Variants in EPHA6 observed in about 807,000 individuals in gnomAD.
The protein encoded by EPHA6 is ephrin type-A receptor 6.
A neutral mutation model predicts 112.0 loss-of-function variants in EPHA6; 50 were observed. That is an observed-to-expected ratio of 0.45 (90% CI 0.36 to 0.56). The LOEUF (loss-of-function observed/expected upper bound fraction) is 0.56. EPHA6 is among the 20% of genes least tolerant of loss of function. EPHA6 has a pLI of 0.00. For synonymous variants in EPHA6, 529 were observed against 490.7 expected, an observed-to-expected ratio of 1.08 and a Z score of -1.03; for missense variants, 1,280 against 1,417.4, an observed-to-expected ratio of 0.90 and a Z score of 1.56.
At chr3:97,181,454 C>A (rs776721985) in intron 3 of EPHA6, among the ~76,000 whole-genome samples, 3 of 152,006 alleles carry the variant, frequency 2.0e-5, no homozygotes, top group Admixed American at 6.6e-5. Context: ...TCTCTGCCCT[C>A]CTCCCTTTCC....
At chr3:96,976,755 T>G (rs942210357) in intron 2 of EPHA6, among the ~76,000 whole-genome samples, 2 of 152,160 alleles carry the variant, frequency 1.3e-5, no homozygotes, top group Non-Finnish European at 2.9e-5. Context: ...TAAGAAGATA[T>G]GCCACTTAGA....
At chr3:97,039,719 G>GACTCTCA (rs2045248150) in intron 3 of EPHA6, among the ~76,000 whole-genome samples, 1 of 151,988 alleles carries the variant, frequency 6.6e-6, no homozygotes, top group Non-Finnish European at 1.5e-5. Flanking sequence ...GTATTCGGCA[G>GACTCTCA]TAAAGAGTTT....
chr3:97,187,675 G>GAAAGAAGGAAAGAAAGAA (rs1316062620), intron 3 of EPHA6, among the ~76,000 whole-genome samples: 1 of 77,056 alleles, frequency 1.3e-5, no homozygotes, highest in Non-Finnish European at 2.8e-5. Context: ...AAGAAAGAAA[G>GAAAGAAGGAAAGAAAGAA]AGAAAGAAAG....
intron 6 of EPHA6, among the ~76,000 whole-genome samples, chr3:97,443,454 G>A (rs546878003): frequency 1.1e-4 from 16 of 151,108 alleles, no homozygotes; most frequent in South Asian, 4.2e-4. Context: ...TTTTCAAATC[G>A]GTATGACTTA....
intron 6 of EPHA6, among the ~76,000 whole-genome samples, chr3:97,443,098 TTTTG>T (rs2090195139): frequency 6.6e-6 from 1 of 152,076 alleles, no homozygotes; most frequent in South Asian, 2.1e-4. Context: ...ATTCGTTTAT[TTTTG>T]TTTATTTTGA....
At chr3:96,979,820 C>T (rs541725741) in intron 2 of EPHA6, among the ~76,000 whole-genome samples, 1 of 152,292 alleles carries the variant, frequency 6.6e-6, no homozygotes, top group African/African-American at 2.4e-5. Context: ...AGCATTTTTT[C>T]ATGTGCCTTT....
chr3:96,997,679 A>C (rs2043472987), intron 3 of EPHA6, among the ~76,000 whole-genome samples: 1 of 152,054 alleles, frequency 6.6e-6, no homozygotes, highest in Non-Finnish European at 1.5e-5. Flanking sequence ...CAAAAGTAAC[A>C]TAAAAAATCA....
intron 3 of EPHA6, among the ~76,000 whole-genome samples, chr3:97,210,432 T>C (rs981326263): frequency 1.3e-5 from 2 of 152,114 alleles, no homozygotes; most frequent in Non-Finnish European, 2.9e-5. Flanking sequence ...TCCATGATCC[T>C]ATCACCTCCC....
chr3:96,818,364 C>T (rs1322946843), intron 1 of EPHA6, among the ~76,000 whole-genome samples: 1 of 151,876 alleles, frequency 6.6e-6, no homozygotes, highest in Non-Finnish European at 1.5e-5. Flanking sequence ...CAATTGCATA[C>T]TCAAATAATT....
At chr3:97,568,829 AT>A in intron 11 of EPHA6, among the ~76,000 whole-genome samples, 1 of 152,294 alleles carries the variant, frequency 6.6e-6, no homozygotes. Context: ...GGGGAGAGAA[AT>A]TTGACTTAAC....
chr3:97,550,352 T>C (rs1380623414), intron 11 of EPHA6, among the ~76,000 whole-genome samples: 1 of 152,212 alleles, frequency 6.6e-6, no homozygotes, highest in Non-Finnish European at 1.5e-5. Context: ...AATGGAGAAA[T>C]GCTGTGTGGA....
intron 3 of EPHA6, among the ~76,000 whole-genome samples, chr3:97,058,329 C>A (rs2045915556): frequency 6.6e-6 from 1 of 151,258 alleles, no homozygotes; most frequent in Admixed American, 6.6e-5. Context: ...ACAAGTTTTG[C>A]TGTTGTTACC....
intron 11 of EPHA6, among the ~76,000 whole-genome samples, chr3:97,552,417 A>G (rs1289236060): frequency 1.3e-5 from 2 of 152,178 alleles, no homozygotes; most frequent in Non-Finnish European, 2.9e-5. Flanking sequence ...ACAGGTTGGC[A>G]GGGAAGTTGG....
At position 97,483,961 on chromosome 3, in the gene EPHA6, T is replaced by C. The variant is rs1356820396; in HGVS notation, c.2102T>C (p.Ile701Thr). 1 of 1,602,550 alleles carries C rather than the reference T, an allele frequency of 6.2e-7. No homozygotes were observed. Among genetic ancestry groups the C allele is most frequent in the Non-Finnish European group, 8.5e-7 (1 of 1,175,152 alleles). The change falls in exon 10 of 18, where the codon ATT (isoleucine) becomes ACT (threonine). Residue 701 changes from isoleucine to threonine, a missense_variant. Physicochemically the swap from Ile to Thr is moderately conservative, Grantham distance 89 (BLOSUM62 -1). Coordinates refer to ENST00000389672, the MANE Select transcript of EPHA6 (RefSeq NM_001080448.3). The part of the protein sequence containing the change: ...HLRFPGIKTY[I>T]DPDTYEDPSL... ...CGCTTCCCGGGAATTAAAACTTACATTGATCCAGATACATATGAAGACCCA... is the reference window on the plus strand; with the variant it reads ...CGCTTCCCGGGAATTAAAACTTACACTGATCCAGATACATATGAAGACCCA...
intron 4 of EPHA6, among the ~76,000 whole-genome samples, chr3:97,241,368 T>C (rs2078840533): frequency 1.3e-5 from 2 of 151,818 alleles, no homozygotes; most frequent in African/African-American, 4.8e-5. Flanking sequence ...TGTGAATTAG[T>C]TGTTTCTTTT....
chr3:96,881,960 TGGTCTTG>T (rs1251329978), intron 2 of EPHA6, among the ~76,000 whole-genome samples: 3 of 152,170 alleles, frequency 2.0e-5, no homozygotes, highest in South Asian at 4.1e-4. Context: ...TGGGTTCCTG[TGGTCTTG>T]GGCAGCTCTG....
intron 11 of EPHA6, among the ~76,000 whole-genome samples, chr3:97,566,013 C>A (rs575345939): frequency 1.5e-5 from 2 of 133,600 alleles, no homozygotes; most frequent in African/African-American, 3.1e-5. Context: ...AGCGAGACAC[C>A]GTCTCAAAAA....
intron 3 of EPHA6, among the ~76,000 whole-genome samples, chr3:97,069,066 T>G (rs775593157): frequency 6.6e-6 from 1 of 152,032 alleles, no homozygotes; most frequent in Non-Finnish European, 1.5e-5. Context: ...GGGTTAGAGG[T>G]GCTGTTGCCT....
chr3:97,506,377 G>T (rs1001759325), intron 10 of EPHA6, among the ~76,000 whole-genome samples: 3 of 152,070 alleles, frequency 2.0e-5, no homozygotes, highest in South Asian at 2.1e-4. Context: ...TAAGGAAGGG[G>T]TCCAGTTTCA....
Sources: allele counts gnomAD v4.1 joint callset (sites outside exome capture counted in the v4.1 genomes callset), GRCh38; gene constraint gnomAD v4.1.1; transcripts MANE v1.5; gene names NCBI Gene and HGNC (gene_info 2026-07-23, HGNC 2026-07-21).